Variants in KCNQ5 observed in about 807,000 individuals in gnomAD.
The protein encoded by KCNQ5 is potassium voltage-gated channel subfamily Q member 5, also known as potassium voltage-gated channel subfamily KQT member 5.
In KCNQ5, 30 loss-of-function variants were observed where a neutral mutation model predicts 98.2. The observed-to-expected ratio is 0.31, with a 90% confidence interval of 0.23 to 0.41. The LOEUF is 0.41. Ranked by LOEUF, KCNQ5 falls within the 10% of genes least tolerant of loss-of-function variation. The pLI, the probability that KCNQ5 is intolerant of heterozygous loss-of-function variation, is 1.00. For missense variants in KCNQ5, 835 were observed against 1,182.5 expected, an observed-to-expected ratio of 0.71 and a Z score of 4.31; for synonymous variants, 458 against 449.4, an observed-to-expected ratio of 1.02 and a Z score of -0.24.
intron 1 of KCNQ5, among the ~76,000 whole-genome samples, chr6:72,868,004 G>A (rs1778060967): frequency 6.6e-6 from 1 of 151,982 alleles, no homozygotes; most frequent in African/African-American, 2.4e-5. Flanking sequence ...GAGTCTTGTG[G>A]TGGAAAAGCA....
intron 1 of KCNQ5, among the ~76,000 whole-genome samples, chr6:72,710,123 G>C (rs1769290315): frequency 6.6e-6 from 1 of 152,156 alleles, no homozygotes; most frequent in Non-Finnish European, 1.5e-5. Context: ...AACAGTGCTT[G>C]TTATTACAAA....
chr6:72,880,665 CTTA>C (rs1364589029), intron 1 of KCNQ5, among the ~76,000 whole-genome samples: 1 of 151,956 alleles, frequency 6.6e-6, no homozygotes, highest in Admixed American at 6.6e-5. Flanking sequence ...TGAATAGTGT[CTTA>C]TTATTCTATT....
intron 1 of KCNQ5, among the ~76,000 whole-genome samples, chr6:72,762,728 T>G (rs768388080): frequency 3.9e-5 from 6 of 152,106 alleles, no homozygotes; most frequent in Admixed American, 1.3e-4. Context: ...TGTGATTAAA[T>G]GAGTAAGTAA....
chr6:72,935,176 T>A (rs1292104062), intron 1 of KCNQ5, among the ~76,000 whole-genome samples: 1 of 150,430 alleles, frequency 6.6e-6, no homozygotes, highest in African/African-American at 2.4e-5. Flanking sequence ...GTTCAAGCGA[T>A]TCTCCTGCCT....
chr6:72,932,601 CT>C (rs1332953948), intron 1 of KCNQ5, among the ~76,000 whole-genome samples: 1 of 152,000 alleles, frequency 6.6e-6, no homozygotes, highest in East Asian at 1.9e-4. Flanking sequence ...AGCTGTTATT[CT>C]TTTTTTAATC....
chr6:72,896,058 A>C (rs1340376063), intron 1 of KCNQ5, among the ~76,000 whole-genome samples: 1 of 152,184 alleles, frequency 6.6e-6, no homozygotes, highest in Non-Finnish European at 1.5e-5. Context: ...TGAGTTCCAA[A>C]AGTTTATTTC....
At chr6:73,125,370 G>A (rs766411634) in intron 9 of KCNQ5, 3 of 514,344 alleles carry the variant, frequency 5.8e-6, no homozygotes, top group South Asian at 4.3e-5. Context: ...AACAGAGCCA[G>A]GTGGAACCCA....
chr6:73,106,507 C>T (rs547896440), intron 6 of KCNQ5, among the ~76,000 whole-genome samples: 2 of 152,282 alleles, frequency 1.3e-5, no homozygotes, highest in African/African-American at 4.8e-5. Flanking sequence ...TGAGAAACCA[C>T]GAGAGCCATG....
At chr6:73,078,041 C>T (rs1044982846) in intron 5 of KCNQ5, among the ~76,000 whole-genome samples, 154 bp downstream of exon 5, 2 of 151,790 alleles carry the variant, frequency 1.3e-5, no homozygotes, top group East Asian at 3.9e-4. Flanking sequence ...TGTCTAAAGG[C>T]TTTCCACATC....
intron 3 of KCNQ5, among the ~76,000 whole-genome samples, chr6:73,050,365 G>A (rs1252747944): frequency 1.3e-5 from 2 of 151,290 alleles, no homozygotes; most frequent in African/African-American, 2.4e-5. Context: ...AGAAAGGAAA[G>A]GAAAGAAAAT....
chr6:73,155,938 C>G (rs994785530), intron 10 of KCNQ5, among the ~76,000 whole-genome samples: 5 of 152,140 alleles, frequency 3.3e-5, no homozygotes, highest in Admixed American at 6.5e-5. Context: ...TAGTTTGTCT[C>G]TTGGTTACTT....
chr6:73,186,635 G>A (rs542722197), intron 11 of KCNQ5, among the ~76,000 whole-genome samples: 136 of 151,780 alleles, frequency 9.0e-4, no homozygotes, highest in African/African-American at 3.2e-3. Context: ...AGACGCAATA[G>A]ATGTGAACAA....
chr6:73,172,036 C>T (rs1241260987), intron 11 of KCNQ5, among the ~76,000 whole-genome samples: 2 of 151,436 alleles, frequency 1.3e-5, no homozygotes, highest in East Asian at 1.9e-4. Flanking sequence ...TGTTATTCTT[C>T]TTGAAACTTG....
At chr6:72,826,405 A>C (rs534620976) in intron 1 of KCNQ5, among the ~76,000 whole-genome samples, 2 of 151,304 alleles carry the variant, frequency 1.3e-5, no homozygotes, top group African/African-American at 4.9e-5. Context: ...ATCAAAAGCT[A>C]CAGGAAAATC....
intron 2 of KCNQ5, among the ~76,000 whole-genome samples, chr6:73,020,112 G>T (rs1481378765): frequency 6.6e-6 from 1 of 152,072 alleles, no homozygotes; most frequent in Non-Finnish European, 1.5e-5. Flanking sequence ...ACACCAGCTG[G>T]GTGTCCTCTA....
intron 1 of KCNQ5, among the ~76,000 whole-genome samples, chr6:72,903,812 T>C (rs764753600): frequency 6.6e-6 from 1 of 152,212 alleles, no homozygotes; most frequent in Non-Finnish European, 1.5e-5. Context: ...CTGCAGTTGT[T>C]GGATGGAATG....
At chr6:72,994,308 C>T (rs559391600) in intron 1 of KCNQ5, among the ~76,000 whole-genome samples, 42 of 41,506 alleles carry the variant, frequency 1.0e-3, no homozygotes, top group South Asian at 2.3e-3. Flanking sequence ...TAGCAATCAG[C>T]GAGATTCCGT....
chr6:73,151,760 A>G (rs1462458472), intron 10 of KCNQ5, among the ~76,000 whole-genome samples: 1 of 152,170 alleles, frequency 6.6e-6, no homozygotes, highest in Non-Finnish European at 1.5e-5. Context: ...TATCTTTTGA[A>G]TTCCCTTTTA....
At chr6:73,059,657 A>G (rs1258930160) in intron 3 of KCNQ5, among the ~76,000 whole-genome samples, 1 of 152,096 alleles carries the variant, frequency 6.6e-6, no homozygotes, top group East Asian at 1.9e-4. Flanking sequence ...ATGACATCTT[A>G]TTTTCATAGA....
Sources: allele counts gnomAD v4.1 joint callset (sites outside exome capture counted in the v4.1 genomes callset), GRCh38; gene constraint gnomAD v4.1.1; transcripts MANE v1.5; gene names NCBI Gene and HGNC (gene_info 2026-07-23, HGNC 2026-07-21).